The following NEBL variants were observed in gnomAD, a reference collection of about 807,000 sequenced individuals.
NEBL encodes LIM and SH3 protein 2.
In NEBL, 122 loss-of-function variants were observed where a neutral mutation model predicts 140.2. The observed-to-expected ratio is 0.87, with a 90% CI of 0.75 to 1.01. The LOEUF is 1.01. NEBL is among the 50% of genes least tolerant of loss of function. NEBL has a pLI of 0.00. For synonymous variants in NEBL, 436 were observed against 398.9 expected, an observed-to-expected ratio of 1.09 and a Z score of -1.11; for missense variants, 1,365 against 1,231.3, an observed-to-expected ratio of 1.11 and a Z score of -1.62.
At chr10:21,064,585 T>A (rs1358593230) in intron 2 of NEBL, among the ~76,000 whole-genome samples, 1 of 152,228 alleles carries the variant, frequency 6.6e-6, no homozygotes, top group Non-Finnish European at 1.5e-5. Context: ...TTTTCCTAAT[T>A]AAATGTATGT....
intron 4 of NEBL, among the ~76,000 whole-genome samples, chr10:20,961,006 A>C (rs1237798217): frequency 6.6e-6 from 1 of 152,184 alleles, no homozygotes; most frequent in Non-Finnish European, 1.5e-5. Context: ...GTGAAGAAAA[A>C]TACATCCTGA....
intron 2 of NEBL, chr10:21,146,604 C>T (rs1256394701): frequency 1.1e-6 from 1 of 871,118 alleles, no homozygotes; most frequent in Non-Finnish European, 1.8e-6. Context: ...CTCTTAGCAA[C>T]CGTTGCTTAG....
intron 4 of NEBL, among the ~76,000 whole-genome samples, chr10:20,957,495 A>T (rs549037745): frequency 1.1e-4 from 17 of 152,270 alleles, no homozygotes; most frequent in Non-Finnish European, 2.5e-4. Context: ...GCGGACAGAT[A>T]ATTAAAATTG....
intron 3 of NEBL, among the ~76,000 whole-genome samples, chr10:20,970,328 CT>C (rs1473829320): frequency 6.6e-6 from 1 of 152,142 alleles, no homozygotes; most frequent in Non-Finnish European, 1.5e-5. Flanking sequence ...TCCTTCAGTC[CT>C]TTTTGGATCA....
intron 4 of NEBL, among the ~76,000 whole-genome samples, chr10:20,920,368 A>T (rs1410174031): frequency 6.6e-6 from 1 of 152,242 alleles, no homozygotes; most frequent in Non-Finnish European, 1.5e-5. Flanking sequence ...CAATACTAGC[A>T]ATAGCAAAAG....
rs35856892 is a variant in NEBL at position 21,172,303 on chromosome 10, G to A, written c.164+80C>T. On this transcript the variant is annotated intron_variant, in intron 2 of 6. Transcript: ENST00000417816. The stretch of plus-strand genomic sequence containing the variant: ...CACACCTGGGTGACACAGTGAGTCA[G>A]TTCTTCAAAACAGGCAGGTCCACTG... 191,716 of 1,111,188 alleles carry A rather than the reference G, an allele frequency of 0.17. 18,246 individuals are homozygous for A. Among genetic ancestry groups the A allele is most frequent in the East Asian group, 0.35 (14,718 of 42,076 alleles). The allele number at this position is 1,111,188 out of a possible 1,614,324, so 68.8% of individuals were successfully genotyped here. A position where few individuals can be genotyped will look rare whatever the true frequency, so the allele number is the denominator to read the frequency against.
chr10:21,109,311 G>A (rs1476241763), intron 2 of NEBL, among the ~76,000 whole-genome samples: 1 of 152,122 alleles, frequency 6.6e-6, no homozygotes, highest in Non-Finnish European at 1.5e-5. Flanking sequence ...TTATTGATTT[G>A]CGTATGTTGA....
At chr10:20,960,653 GTA>G (rs1231829940) in intron 4 of NEBL, among the ~76,000 whole-genome samples, 6 of 151,762 alleles carry the variant, frequency 4.0e-5, no homozygotes, top group African/African-American at 1.4e-4. Flanking sequence ...GTATATGTGT[GTA>G]TATATACACA....
chr10:20,925,223 A>G (rs923849949), intron 4 of NEBL, among the ~76,000 whole-genome samples: 1 of 152,154 alleles, frequency 6.6e-6, no homozygotes, highest in Non-Finnish European at 1.5e-5. Context: ...CTTTCAAATT[A>G]TATCCAGAAA....
chr10:20,995,028 T>C (rs1564473900), intron 3 of NEBL, among the ~76,000 whole-genome samples: 1 of 152,100 alleles, frequency 6.6e-6, no homozygotes, highest in Non-Finnish European at 1.5e-5. Context: ...CTAAAAATGC[T>C]TACAAACACC....
At chr10:21,056,918 G>A (rs555872591) in intron 2 of NEBL, among the ~76,000 whole-genome samples, 3 of 152,046 alleles carry the variant, frequency 2.0e-5, no homozygotes, top group Non-Finnish European at 4.4e-5. Flanking sequence ...TCTTAAGCTC[G>A]GAGTCAAAGA....
At chr10:20,999,759 G>A (rs774069260) in intron 3 of NEBL, among the ~76,000 whole-genome samples, 2 of 152,132 alleles carry the variant, frequency 1.3e-5, no homozygotes, top group African/African-American at 4.8e-5. Flanking sequence ...TACAACCCCC[G>A]CTTTAACTGC....
rs539662960 is a variant in NEBL at position 20,819,325 on chromosome 10, G to C, written c.2055+99C>G. 71 of 1,575,476 alleles carry C rather than the reference G, an allele frequency of 4.5e-5. No homozygotes were observed. The African/African-American group carries it at 7.7e-4, about 17-fold the overall frequency. On this transcript the variant is annotated intron_variant, in intron 20 of 27. Coordinates refer to ENST00000377122, the MANE Select transcript of NEBL (RefSeq NM_006393.3). ...ATGCAGTATTTGGTTTTACGTTCCT[G>C]TGTTAGTTTGCTAAGGATAATGGCC... is the stretch of plus-strand genomic sequence containing the variant.
upstream of NEBL, chr10:20,899,518 C>CACA (rs1336299431): frequency 7.2e-6 from 6 of 834,698 alleles, no homozygotes; most frequent in African/African-American, 1.1e-4. Flanking sequence ...ACACCACGTG[C>CACA]AATGTGAACA....
At chr10:20,941,125 C>G (rs960361804) in intron 4 of NEBL, among the ~76,000 whole-genome samples, 3 of 152,032 alleles carry the variant, frequency 2.0e-5, no homozygotes, top group Non-Finnish European at 4.4e-5. Flanking sequence ...CTGGCAGAGA[C>G]ACAACAAAAA....
intron 3 of NEBL, among the ~76,000 whole-genome samples, chr10:21,202,801 G>C (rs1841763390): frequency 6.6e-6 from 1 of 152,020 alleles, no homozygotes; most frequent in Non-Finnish European, 1.5e-5. Context: ...TTTCTTACCA[G>C]CTCCAAAAAT....
At chr10:21,116,678 T>C (rs1365450222) in intron 2 of NEBL, among the ~76,000 whole-genome samples, 1 of 152,092 alleles carries the variant, frequency 6.6e-6, no homozygotes. Context: ...TCTTTTTCTT[T>C]TTACTTTTTT....
At chr10:20,977,267 A>G (rs186799568) in intron 3 of NEBL, among the ~76,000 whole-genome samples, 56 of 131,984 alleles carry the variant, frequency 4.2e-4, no homozygotes, top group African/African-American at 1.8e-3. Flanking sequence ...CTAAAGTTAA[A>G]AGAGAAAGAA....
At chr10:20,956,462 A>G (rs922648277) in intron 4 of NEBL, among the ~76,000 whole-genome samples, 2 of 152,152 alleles carry the variant, frequency 1.3e-5, no homozygotes, top group Non-Finnish European at 2.9e-5. Flanking sequence ...TGAGCTACAG[A>G]TAAGGTCTAG....
Sources: gnomAD v4.1 joint callset for allele counts (sites outside exome capture counted in the v4.1 genomes callset) on GRCh38, gnomAD v4.1.1 for gene constraint, MANE v1.5 for transcripts, NCBI Gene and HGNC (gene_info 2026-07-23, HGNC 2026-07-21) for gene names.